TDRD5: variants seen among roughly 807,000 people sequenced by gnomAD.
The protein encoded by TDRD5 is tudor domain containing 5.
TDRD5 carries 41 observed loss-of-function variants against 120.6 expected under a neutral mutation model. The ratio of observed to expected loss-of-function variants is 0.34; its 90% CI spans 0.26 to 0.44. The LOEUF is 0.44. Among genes scored for constraint, TDRD5 ranks in the 20% least tolerant of loss-of-function variants. The probability of loss-of-function intolerance (pLI) is 1.00; values close to 1 mark genes in which losing one functional copy is unlikely to be tolerated. For synonymous variants in TDRD5, 430 were observed against 433.7 expected, an observed-to-expected ratio of 0.99 and a Z score of 0.11; for missense variants, 1,006 against 1,221.2, an observed-to-expected ratio of 0.82 and a Z score of 2.63.
Position 179,593,488 on chromosome 1 carries a change from A to G in TDRD5, c.261A>G (p.Ile87Met). 2 of 1,613,620 alleles carry G rather than the reference A, an allele frequency of 1.2e-6. No homozygotes were observed. Among genetic ancestry groups the G allele is most frequent in the South Asian group, 1.1e-5 (1 of 91,062 alleles). The change falls in exon 3 of 18, where the codon ATA (isoleucine) becomes ATG (methionine). Residue 87 changes from isoleucine (I) to methionine (M), a missense_variant. By Grantham distance (10) the Ile-to-Met change is conservative (BLOSUM62 1). Around this residue, in one of 3 missense-constraint regions of TDRD5, gnomAD observed 445 missense variants for 515.5 expected, o/e 0.86. Coordinates refer to ENST00000444136, the MANE Select transcript of TDRD5 (RefSeq NM_001199085.3). ...TTCCAGATGAATCTACCAAAGGAAT[A>G]GCAAGCTTAGTTGCAAAACAGAGGA... The part of the protein sequence containing the change: ...KAIPDESTKG[I>M]ASLVAKQRSS...
intron 4 of TDRD5, among the ~76,000 whole-genome samples, chr1:179,609,458 A>G (rs1676167837): frequency 1.3e-5 from 2 of 152,162 alleles, no homozygotes; most frequent in South Asian, 4.1e-4. Flanking sequence ...TCGTGTTGGC[A>G]TTGAAAGATT....
At chr1:179,669,446 A>G (rs778648321) in intron 17 of TDRD5, 42 bp downstream of exon 17, 4 of 1,604,358 alleles carry the variant, frequency 2.5e-6, no homozygotes, top group East Asian at 2.2e-5. Flanking sequence ...GTTGACAAAC[A>G]TGATGGTTTG....
intron 17 of TDRD5, among the ~76,000 whole-genome samples, chr1:179,689,835 C>T (rs948140524): frequency 6.6e-6 from 1 of 152,190 alleles, no homozygotes; most frequent in Non-Finnish European, 1.5e-5. Flanking sequence ...GCTCCGTGGG[C>T]GTGGGACCCT....
rs1237418336 is a variant in TDRD5, at chr1:179,593,542, T to C, written c.315T>C (p.His105=). 6.2e-7 allele frequency: 1 copy of C among 1,614,116 alleles called. No individual in the cohort carries two copies. Among genetic ancestry groups the C allele is most frequent in the Non-Finnish European group, 8.5e-7 (1 of 1,180,048 alleles). ...GCCATAAGCTTCGAAACTCAATGCA[T>C]AAGGGAAGACCTAGTATTTATTCTG... is the stretch of plus-strand genomic sequence containing the variant. ...RSSHKLRNSM[H]KGRPSIYSGP... The change falls in exon 3 of 18, where the codon CAT becomes CAC. Residue 105 remains histidine, a synonymous_variant. Transcript: ENST00000444136.
intron 5 of TDRD5, among the ~76,000 whole-genome samples, chr1:179,620,663 T>G (rs1448566526): frequency 6.6e-6 from 1 of 152,168 alleles, no homozygotes; most frequent in Non-Finnish European, 1.5e-5. Flanking sequence ...CCAAAGTTTT[T>G]TCTAATGTTT....
chr1:179,618,896 G>A (rs1465663142), intron 5 of TDRD5, among the ~76,000 whole-genome samples: 10 of 152,012 alleles, frequency 6.6e-5, no homozygotes, highest in Admixed American at 6.6e-4. Flanking sequence ...TCTTCCATAA[G>A]TTCTCTCTTC....
At chr1:179,677,048 A>G (rs989269547) in intron 17 of TDRD5, among the ~76,000 whole-genome samples, 2 of 151,960 alleles carry the variant, frequency 1.3e-5, no homozygotes, top group African/African-American at 4.8e-5. Context: ...CATTTTTTTA[A>G]ATTATTTTTT....
At chr1:179,680,524 T>C (rs946296214) in intron 17 of TDRD5, among the ~76,000 whole-genome samples, 27 of 152,248 alleles carry the variant, frequency 1.8e-4, no homozygotes, top group African/African-American at 6.0e-4. Flanking sequence ...ATTATTAATT[T>C]ACTCTTTATC....
chr1:179,646,091 A>G (rs1396369082), intron 11 of TDRD5, among the ~76,000 whole-genome samples: 3 of 152,110 alleles, frequency 2.0e-5, no homozygotes, highest in African/African-American at 7.2e-5. Context: ...TTTAACTCTT[A>G]CACTTTATTT....
intron 4 of TDRD5, among the ~76,000 whole-genome samples, chr1:179,604,897 T>C (rs1245687524): frequency 6.6e-6 from 1 of 152,172 alleles, no homozygotes; most frequent in Non-Finnish European, 1.5e-5. Flanking sequence ...GTCCATTTGT[T>C]CCTAGGTATA....
At chr1:179,660,122 T>C (rs952784883) in intron 14 of TDRD5, among the ~76,000 whole-genome samples, 4 of 152,056 alleles carry the variant, frequency 2.6e-5, no homozygotes, top group African/African-American at 7.2e-5. Flanking sequence ...TTTCTGTTTG[T>C]TCCCCTGATT....
At position 179,638,353 on chromosome 1, in the gene TDRD5, T is replaced by C. The variant is rs1677882269; in HGVS notation, c.1521-1486T>C. On this transcript the variant is annotated intron_variant, in intron 9 of 17. Transcript: ENST00000444136. The stretch of plus-strand genomic sequence containing the variant: ...AAGAGAAGGAGATGATGAAAACTGT[T>C]TGCTTTAGAGACTGGGCAGGTTTGA... Among the ~76,000 whole-genome samples the C allele has an allele frequency of 1.6e-5, 2 of 126,938 alleles. 1 individual carries two copies. 83.3% of individuals were successfully genotyped at this position (126,938 alleles called of 152,430 possible). A position where few individuals can be genotyped will look rare whatever the true frequency, so the allele number is the denominator to read the frequency against.
chr1:179,651,464 AAATAAT>A (rs1223686153), intron 12 of TDRD5, among the ~76,000 whole-genome samples: 1 of 152,036 alleles, frequency 6.6e-6, no homozygotes, highest in Admixed American at 6.6e-5. Context: ...ACTCTGTCTC[AAATAAT>A]AATAATAAAA....
At chr1:179,688,319 G>T (rs1326233429) in intron 17 of TDRD5, among the ~76,000 whole-genome samples, 1 of 152,122 alleles carries the variant, frequency 6.6e-6, no homozygotes, top group Non-Finnish European at 1.5e-5. Context: ...AGTTTGGCTG[G>T]ATATGAAATT....
chr1:179,610,783 C>T (rs563989973), intron 4 of TDRD5, among the ~76,000 whole-genome samples: 1 of 152,004 alleles, frequency 6.6e-6, no homozygotes, highest in South Asian at 2.1e-4. Flanking sequence ...GACGGGTCTC[C>T]CCTGGTTAGT....
At chr1:179,621,821 T>A (rs1431305592) in intron 6 of TDRD5, among the ~76,000 whole-genome samples, 1 of 152,202 alleles carries the variant, frequency 6.6e-6, no homozygotes, top group African/African-American at 2.4e-5. Flanking sequence ...TATTGGCATA[T>A]GTTCATTTTG....
At chr1:179,592,413 A>G (rs1675157374) in intron 1 of TDRD5, 189 bp from the exon 2 acceptor site, 5 of 550,472 alleles carry the variant, frequency 9.1e-6, no homozygotes, top group Non-Finnish European at 1.6e-5. Flanking sequence ...TAGCTTAATC[A>G]ACGCAGGTGG....
intron 4 of TDRD5, among the ~76,000 whole-genome samples, chr1:179,609,901 T>G (rs1321979428): frequency 6.6e-6 from 1 of 152,174 alleles, no homozygotes; most frequent in Non-Finnish European, 1.5e-5. Context: ...TCCTTTTCCA[T>G]ATTCAATCCT....
At chr1:179,680,165 C>T (rs1397635649) in intron 17 of TDRD5, among the ~76,000 whole-genome samples, 2 of 152,032 alleles carry the variant, frequency 1.3e-5, no homozygotes, top group African/African-American at 4.8e-5. Flanking sequence ...TTATTGTGAT[C>T]AAGTAACATA....
Sources: allele counts gnomAD v4.1 joint callset (sites outside exome capture counted in the v4.1 genomes callset), GRCh38; gene constraint gnomAD v4.1.1; regional missense constraint gnomAD v4.1.1; transcripts MANE v1.5; gene names NCBI Gene and HGNC (gene_info 2026-07-23, HGNC 2026-07-21).